Variants in PWWP3B observed in about 807,000 individuals in gnomAD.
PWWP3B encodes the protein PWWP domain-containing DNA repair factor 3B.
In PWWP3B, 5 loss-of-function variants were observed where a neutral mutation model predicts 15.7. That is an observed-to-expected ratio of 0.32 (90% CI 0.17 to 0.67). PWWP3B has a LOEUF of 0.67. Among genes scored for constraint, PWWP3B ranks in the 30% least tolerant of loss-of-function variants. The probability of loss-of-function intolerance (pLI) is 0.74; values close to 1 mark genes in which losing one functional copy is unlikely to be tolerated. For synonymous variants in PWWP3B, 203 were observed against 179.8 expected, an observed-to-expected ratio of 1.13 and a Z score of -1.03; for missense variants, 519 against 493.1, an observed-to-expected ratio of 1.05 and a Z score of -0.50.
chrX:106,188,117 A>G (rs913557891), intron 2 of PWWP3B, among the ~76,000 whole-genome samples: 4 of 111,292 alleles, frequency 3.6e-5, no homozygotes, highest in Non-Finnish European at 7.5e-5. Flanking sequence ...GTACTGTACA[A>G]TGCTGATGTC....
At chrX:106,174,796 G>C (rs969363476) in intron 2 of PWWP3B, among the ~76,000 whole-genome samples, 1 of 111,385 alleles carries the variant, frequency 9.0e-6, no homozygotes, top group Non-Finnish European at 1.9e-5. Context: ...CCTTGTAATC[G>C]TAGCATTTTG....
chrX:106,185,018 A>G (rs1254481160), intron 2 of PWWP3B, among the ~76,000 whole-genome samples: 7 of 111,750 alleles, frequency 6.3e-5, no homozygotes, highest in Admixed American at 5.7e-4. Context: ...TGTAAATTGC[A>G]TGCTTTGCAT....
At chrX:106,202,999 G>A (rs1413103408) in intron 2 of PWWP3B, among the ~76,000 whole-genome samples, 2 of 110,663 alleles carry the variant, frequency 1.8e-5, no homozygotes, top group Non-Finnish European at 3.8e-5. Flanking sequence ...TTACATCTTC[G>A]GGGAAATATT....
chrX:106,195,156 A>G (rs1264051440), intron 2 of PWWP3B, among the ~76,000 whole-genome samples: 1 of 111,924 alleles, frequency 8.9e-6, no homozygotes, highest in Non-Finnish European at 1.9e-5. Flanking sequence ...CTTGCTATTC[A>G]TATGTCTTTT....
At chrX:106,186,925 G>A (rs1227588937) in intron 2 of PWWP3B, among the ~76,000 whole-genome samples, 1 of 111,942 alleles carries the variant, frequency 8.9e-6, no homozygotes, top group Non-Finnish European at 1.9e-5. Context: ...CATTTTTACA[G>A]AGTGCTGATT....
chrX:106,182,756 A>G (rs1361962071), intron 2 of PWWP3B, among the ~76,000 whole-genome samples: 1 of 110,908 alleles, frequency 9.0e-6, no homozygotes, highest in African/African-American at 3.3e-5. Flanking sequence ...GTGAATGGTC[A>G]CGCAGGGAGT....
chrX:106,179,091 C>T (rs1649479458), intron 2 of PWWP3B, among the ~76,000 whole-genome samples: 1 of 111,887 alleles, frequency 8.9e-6, no homozygotes, highest in African/African-American at 3.3e-5. Flanking sequence ...TTTCTCCAGA[C>T]AACTATTTTT....
chrX:106,172,954 A>G (rs1012729617), intron 2 of PWWP3B, among the ~76,000 whole-genome samples: 2 of 112,164 alleles, frequency 1.8e-5, no homozygotes, highest in Admixed American at 9.5e-5. Flanking sequence ...TTGCAGCTTT[A>G]TTATAATCTT....
chrX:106,202,973 A>C (rs1034233411), intron 2 of PWWP3B, among the ~76,000 whole-genome samples: 4 of 111,341 alleles, frequency 3.6e-5, no homozygotes, highest in Non-Finnish European at 7.5e-5. Flanking sequence ...ATTAATATAT[A>C]TTTATCTGGG....
intron 2 of PWWP3B, among the ~76,000 whole-genome samples, chrX:106,194,686 T>C (rs921923717): frequency 9.0e-6 from 1 of 111,530 alleles, no homozygotes; most frequent in Non-Finnish European, 1.9e-5. Flanking sequence ...CTACCTTTGG[T>C]CTTTGATGAT....
intron 1 of PWWP3B, among the ~76,000 whole-genome samples, chrX:106,170,190 T>C (rs1290998990): frequency 1.8e-5 from 2 of 111,850 alleles, no homozygotes; most frequent in Non-Finnish European, 3.8e-5. Flanking sequence ...TAATTATTGA[T>C]ATGGAAAGAT....
intron 2 of PWWP3B, among the ~76,000 whole-genome samples, chrX:106,186,696 A>G (rs1922532653): frequency 9.1e-6 from 1 of 110,285 alleles, no homozygotes; most frequent in South Asian, 3.9e-4. Context: ...CAGAAGCAAG[A>G]TTTATTGTGA....
chrX:106,193,486 T>C (rs1404683709), intron 2 of PWWP3B, among the ~76,000 whole-genome samples: 2 of 111,984 alleles, frequency 1.8e-5, no homozygotes, highest in African/African-American at 6.5e-5. Context: ...ATCTTGACTC[T>C]TTATCCAATT....
chrX:106,195,538 T>C (rs1286178251), intron 2 of PWWP3B, among the ~76,000 whole-genome samples: 1 of 111,740 alleles, frequency 8.9e-6, no homozygotes, highest in Non-Finnish European at 1.9e-5. Flanking sequence ...AAGAATATTT[T>C]GGTGTGTGAT....
intron 2 of PWWP3B, among the ~76,000 whole-genome samples, chrX:106,196,571 T>C (rs908714741): frequency 1.8e-5 from 2 of 111,908 alleles, no homozygotes; most frequent in African/African-American, 3.2e-5. Context: ...TTTTAGTCTG[T>C]TGATATGGTG....
intron 3 of PWWP3B, among the ~76,000 whole-genome samples, chrX:106,204,404 C>T: frequency 8.9e-6 from 1 of 112,074 alleles, no homozygotes; most frequent in African/African-American, 3.2e-5. Context: ...GGAGAAGAAT[C>T]TCACTTTTTA....
chrX:106,179,276 G>T (rs1922062619), intron 2 of PWWP3B, among the ~76,000 whole-genome samples: 1 of 112,083 alleles, frequency 8.9e-6, no homozygotes, highest in African/African-American at 3.2e-5. Context: ...TACATAGTCT[G>T]CCCCATAGTA....
At chrX:106,200,849 T>C (rs181500570) in intron 2 of PWWP3B, among the ~76,000 whole-genome samples, 2,824 of 109,984 alleles carry the variant, frequency 0.026, 97 homozygotes, top group African/African-American at 0.088. Flanking sequence ...GAGATCGAGA[T>C]CATCCTGGCT....
At chrX:106,180,878 G>T (rs1229781877) in intron 2 of PWWP3B, among the ~76,000 whole-genome samples, 1 of 111,865 alleles carries the variant, frequency 8.9e-6, no homozygotes, top group Non-Finnish European at 1.9e-5. Context: ...AATATATTTT[G>T]ATATCTGGTA....
Sources: gnomAD v4.1 joint callset for allele counts (sites outside exome capture counted in the v4.1 genomes callset) on GRCh38, gnomAD v4.1.1 for gene constraint, MANE v1.5 for transcripts, NCBI Gene and HGNC (gene_info 2026-07-23, HGNC 2026-07-21) for gene names.